The following MEGF8 variants were observed in gnomAD, a reference collection of about 807,000 sequenced individuals.
MEGF8 encodes multiple EGF like domains 8.
In MEGF8, 156 loss-of-function variants were observed where a neutral mutation model predicts 302.9. The ratio of observed to expected loss-of-function variants is 0.52; its 90% confidence interval spans 0.45 to 0.59. The LOEUF (loss-of-function observed/expected upper bound fraction) is 0.59, where lower values mean the gene tolerates loss of function less well. Among genes scored for constraint, MEGF8 ranks in the 20% least tolerant of loss-of-function variants. MEGF8 has a pLI of 0.00. For synonymous variants in MEGF8, 1,621 were observed against 1,660.5 expected (o/e 0.98, Z 0.58); for missense variants, 3,345 against 3,964.5 (o/e 0.84, Z 4.20).
chr19:42,334,772 C>T (rs748230174), intron 3 of MEGF8, among the ~76,000 whole-genome samples: 1 of 151,882 alleles, frequency 6.6e-6, no homozygotes, highest in African/African-American at 2.4e-5. Context: ...TTCTTTTTTC[C>T]GTCTGTCTGC....
Position 42,344,422 on chromosome 19 carries a change from T to C in MEGF8, c.1789-19T>C, listed in dbSNP as rs751208041. 1 of 1,565,874 alleles carries C rather than the reference T, an allele frequency of 6.4e-7. No individual in the cohort carries two copies. Among genetic ancestry groups the C allele is most frequent in the Non-Finnish European group, 8.6e-7 (1 of 1,161,524 alleles). On this transcript the variant is annotated intron_variant, in intron 10 of 41. Transcript: ENST00000251268. This position sits in a 1 kb window ranked among gnomAD's most constrained non-coding sequence, Gnocchi z 4.5. Reference sequence around the variant, plus strand: ...GAGCTCCAGTTGACAGTGAGCCCTTTCCCCTCTCCTCCTCGCAGTGTCCAG... The same window carrying C: ...GAGCTCCAGTTGACAGTGAGCCCTTCCCCCTCTCCTCCTCGCAGTGTCCAG...
At chr19:42,343,670 A>C in intron 9 of MEGF8, 39 bp downstream of exon 9, 1 of 1,550,230 alleles carries the variant, frequency 6.5e-7, no homozygotes, top group Non-Finnish European at 8.7e-7. Flanking sequence ...GGCTGGGGGG[A>C]GGAGGTAGCA....
intron 8 of MEGF8, among the ~76,000 whole-genome samples, chr19:42,339,566 T>A (rs1471112686): frequency 6.6e-6 from 1 of 152,208 alleles, no homozygotes; most frequent in Non-Finnish European, 1.5e-5. Context: ...ATGGGGTTGT[T>A]TTTTGCTTGT....
rs1277518471 is a variant in MEGF8, at chr19:42,353,387, G to C, written c.3551-78G>C. The C allele has an allele frequency of 1.3e-6, 2 of 1,496,882 alleles. No individual in the cohort carries two copies. Among genetic ancestry groups the C allele is most frequent in the Non-Finnish European group, 1.8e-6 (2 of 1,103,674 alleles). 92.7% of individuals were successfully genotyped at this position (1,496,882 alleles called of 1,614,324 possible). On this transcript the variant is annotated intron_variant, in intron 20 of 41. Transcript: ENST00000251268. The surrounding 1 kb of genome is among the most constrained non-coding windows in gnomAD (Gnocchi z 6.1). ...CCTTTGAAGCGGCTGGGTGGGGTCA[G>C]GGTTTAGCTGAGCCAGTAGGCCTGG...
At position 42,344,737 on chromosome 19, in the gene MEGF8, C is replaced by T. The variant is rs778349119; in HGVS notation, c.2001C>T (p.Phe667=). The change falls in exon 12 of 42, where the codon TTC becomes TTT. Residue 667 remains phenylalanine, a synonymous_variant. Transcript: ENST00000251268. The surrounding 1 kb of genome is among the most constrained non-coding windows in gnomAD (Gnocchi z 4.5). ...TVGWWGPAPV[F]VTSLEACVTQ... ...GCTGGTGGGGGCCTGCGCCTGTCTT[C>T]GTCACGTCCCTGGAGGCCTGCGTCA... is the stretch of plus-strand genomic sequence containing the variant. The T allele has an allele frequency of 9.3e-6, 15 of 1,612,096 alleles. No individual in the cohort carries two copies. Among genetic ancestry groups the T allele is most frequent in the Admixed American group, 8.4e-5 (5 of 59,864 alleles).
chr19:42,363,336 C>T (rs1177302509), intron 35 of MEGF8, 74 bp downstream of exon 35: 1 of 1,275,950 alleles, frequency 7.8e-7, no homozygotes, highest in Non-Finnish European at 1.1e-6. Flanking sequence ...TGGCAGGGAC[C>T]TTTCTTCCAC....
At position 42,354,156 on chromosome 19, in the gene MEGF8, A is replaced by G. The variant is rs1229013436; in HGVS notation, c.4011+132A>G. Reference sequence around the variant, plus strand: ...TGTTTTTTTAATCCTTCAAAACCCAAACTCCTCCTCAGATCCCCAGCACTT... The same window carrying G: ...TGTTTTTTTAATCCTTCAAAACCCAGACTCCTCCTCAGATCCCCAGCACTT... On this transcript the variant is annotated intron_variant, in intron 22 of 41. Transcript: ENST00000251268. This position sits in a 1 kb window ranked among gnomAD's most constrained non-coding sequence, Gnocchi z 4.3. 3.5e-6 allele frequency: 4 copies of G among 1,140,478 alleles called. No individual in the cohort carries two copies. The highest frequency in any genetic ancestry group is 5.2e-5 in the East Asian group (2 of 38,424). 70.6% of individuals were successfully genotyped at this position (1,140,478 alleles called of 1,614,324 possible).
At chr19:42,372,076 C>CAACAACAACAACAACAA (rs2039701345) in intron 41 of MEGF8, among the ~76,000 whole-genome samples, 1 of 111,448 alleles carries the variant, frequency 9.0e-6, no homozygotes, top group African/African-American at 3.8e-5. Context: ...CAACAACAAA[C>CAACAACAACAACAACAA]ACACACACAC....
intron 8 of MEGF8, among the ~76,000 whole-genome samples, chr19:42,341,429 C>CAAAAAAAAAAAAAAAAAAAA: frequency 1.8e-5 from 1 of 56,996 alleles, no homozygotes. Context: ...ACTCCATCTC[C>CAAAAAAAAAAAAAAAAAAAA]AAAAAAAAAA....
chr19:42,351,323 G>A lies in MEGF8; in HGVS notation c.2844G>A (p.Pro948=), dbSNP rs771910535. The A allele has an allele frequency of 1.1e-5, 18 of 1,567,792 alleles. No individual in the cohort carries two copies. Among genetic ancestry groups the A allele is most frequent in the South Asian group, 8.2e-5 (7 of 85,462 alleles). ...GALKSPEECP[P]LCSQRLTCED... ...TGAAGAGTCCAGAGGAGTGTCCCCC[G>A]CTCTGCAGCCAGTGAGTCAGGCTGG... Residue 948 remains proline, a synonymous_variant, in exon 16 of 42, where the codon CCG becomes CCA. Coordinates refer to ENST00000251268, the MANE Select transcript of MEGF8 (RefSeq NM_001271938.2). This position sits in a 1 kb window ranked among gnomAD's most constrained non-coding sequence, Gnocchi z 5.6.
Position 42,336,345 on chromosome 19 carries a change from C to G in MEGF8, c.1243C>G (p.Arg415Gly), listed in dbSNP as rs775756534. The change falls in exon 6 of 42, where the codon CGG (arginine) becomes GGG (glycine). Residue 415 changes from arginine to glycine, a missense_variant and splice_region_variant. Coordinates refer to ENST00000251268, the MANE Select transcript of MEGF8 (RefSeq NM_001271938.2). The surrounding 1 kb of genome is among the most constrained non-coding windows in gnomAD (Gnocchi z 4.8). ...TGGTGGACACCGGCCCTCCACTGCC[C>G]GGTAAGTGACCTGTCCCATAACCCA... is the stretch of plus-strand genomic sequence containing the variant. The part of the protein sequence containing the change: ...VHGGHRPSTA[R>G]FSVRVNSTEL... The G allele has an allele frequency of 6.3e-7, 1 of 1,589,150 alleles. No homozygotes were observed. The highest frequency in any genetic ancestry group is 8.6e-7 in the Non-Finnish European group (1 of 1,169,212).
Position 42,360,990 on chromosome 19 carries a change from G to A in MEGF8, c.5704G>A (p.Gly1902Arg), listed in dbSNP as rs765896835. ...CTWCHGACLS[G>R]DQAHRLGCGG... ...CTGGTGCCATGGGGCCTGCTTGTCC[G>A]GGGATCAGGCCCACAGGTAACCATG... The change falls in exon 32 of 42, where the codon GGG becomes AGG. Residue 1902 changes from glycine (G) to arginine (R), a missense_variant. Transcript: ENST00000251268. 9 of 1,558,956 alleles carry A rather than the reference G, an allele frequency of 5.8e-6. No homozygotes were observed. In the East Asian group the frequency reaches 6.8e-5, roughly 12 times the overall value.
Position 42,375,801 on chromosome 19 carries a change from C to T in MEGF8, c.7564C>T (p.His2522Tyr). 6.2e-7 allele frequency: 1 copy of T among 1,612,870 alleles called. No homozygotes were observed. The highest frequency in any genetic ancestry group is 8.5e-7 in the Non-Finnish European group (1 of 1,179,818). ...CCGTGTGGCCCCTGACACTGGCGTCCATACTGTACACATCCAGCCACCCCC... is the reference window on the plus strand; with the variant it reads ...CCGTGTGGCCCCTGACACTGGCGTCTATACTGTACACATCCAGCCACCCCC... ...VVRVAPDTGV[H>Y]TVHIQPPPAP... is the part of the protein sequence containing the mutation. The change falls in exon 42 of 42, where the codon CAT becomes TAT. Residue 2522 changes from histidine (H) to tyrosine (Y), a missense_variant. His to Tyr is a moderately conservative substitution (Grantham distance 83, BLOSUM62 2). Transcript: ENST00000251268. This position sits in a 1 kb window ranked among gnomAD's most constrained non-coding sequence, Gnocchi z 7.1.
intron 5 of MEGF8, 58 bp downstream of exon 5, chr19:42,335,443 G>A: frequency 6.5e-7 from 1 of 1,544,542 alleles, no homozygotes; most frequent in South Asian, 1.1e-5. Context: ...CCCAGCCGGG[G>A]ACCCCCGGAA....
At position 42,359,142 on chromosome 19, in the gene MEGF8, C is replaced by T. The variant is rs750813302; in HGVS notation, c.5388C>T (p.Thr1796=). ...LFHASALLGD[T]MVVLGGRSDP... is the part of the protein sequence containing the mutation. ...ACGCCTCAGCCCTGTTAGGGGACAC[C>T]ATGGTGGTTCTTGGGGGGCGCTCGG... is the stretch of plus-strand genomic sequence containing the variant. The change falls in exon 31 of 42, where the codon ACC becomes ACT. Residue 1796 remains threonine, a synonymous_variant. Transcript: ENST00000251268. 6.3e-7 allele frequency: 1 copy of T among 1,593,242 alleles called. No homozygotes were observed. Among genetic ancestry groups the T allele is most frequent in the Non-Finnish European group, 8.5e-7 (1 of 1,170,604 alleles).
At chr19:42,367,018 A>G (rs1005563197) in intron 35 of MEGF8, among the ~76,000 whole-genome samples, 7 of 152,084 alleles carry the variant, frequency 4.6e-5, no homozygotes, top group Non-Finnish European at 8.8e-5. Context: ...GCCTTTTCCT[A>G]AGTGCTTTCA....
chr19:42,349,651 C>G lies in MEGF8; in HGVS notation c.2451C>G (p.His817Gln), dbSNP rs1956275631. The change falls in exon 14 of 42, where the codon CAC becomes CAG. Residue 817 changes from histidine (H) to glutamine (Q), a missense_variant. By Grantham distance (24) the His-to-Gln change is conservative. Transcript: ENST00000251268. The stretch of plus-strand genomic sequence containing the variant: ...TCAATGGCTCGGCAGGCCCTGGGCA[C>G]AGCGAGCTAACTCTGCTGTGGGATC... ...GQLNGSAGPG[H>Q]SELTLLWDRT... The G allele has an allele frequency of 3.1e-6, 5 of 1,612,066 alleles. No homozygotes were observed. The South Asian group carries it at 5.5e-5, about 18-fold the overall frequency.
intron 8 of MEGF8, among the ~76,000 whole-genome samples, chr19:42,342,845 G>C (rs556855290): frequency 5.3e-5 from 8 of 152,128 alleles, no homozygotes; most frequent in Non-Finnish European, 1.2e-4. Context: ...AGAAAGAAGG[G>C]AGTGTCTTTG....
chr19:42,371,296 A>G, intron 40 of MEGF8, 54 bp from the exon 41 acceptor site: 2 of 1,599,818 alleles, frequency 1.3e-6, no homozygotes, highest in Non-Finnish European at 8.5e-7. Flanking sequence ...TGGGGTGTCC[A>G]TCCTGGACCA....
Sources: gnomAD v4.1 joint callset for allele counts (sites outside exome capture counted in the v4.1 genomes callset) on GRCh38, gnomAD v4.1.1 for gene constraint, Gnocchi (gnomAD v3.1) non-coding constraint, MANE v1.5 for transcripts, NCBI Gene and HGNC (gene_info 2026-07-23, HGNC 2026-07-21) for gene names.